BRD10: variants seen among roughly 807,000 people sequenced by gnomAD.
BRD10 encodes uncharacterized bromodomain-containing protein 10.
At chr9:5,952,187 A>AT in the BRD10 span, among the ~76,000 whole-genome samples, 15 of 151,362 alleles carry the variant, frequency 9.9e-5, no homozygotes, top group East Asian at 7.8e-4. Flanking sequence ...CACCCGGCTA[A>AT]TTTTTTTTGT....
chr9:5,967,575 C>T, the BRD10 span, among the ~76,000 whole-genome samples: 2 of 151,392 alleles, frequency 1.3e-5, no homozygotes, highest in Non-Finnish European at 2.9e-5. Flanking sequence ...AAAAAACAGA[C>T]CCAGGAAGAT....
chr9:5,902,682 T>A, the BRD10 span, among the ~76,000 whole-genome samples: 1 of 151,604 alleles, frequency 6.6e-6, no homozygotes, highest in Non-Finnish European at 1.5e-5. Context: ...TTTTTTTTTT[T>A]AATTTGTAGA....
At chr9:6,007,936 G>T in the BRD10 span, 1 of 1,331,412 alleles carries the variant, frequency 7.5e-7, no homozygotes, top group Non-Finnish European at 9.6e-7. Flanking sequence ...GCTCGGCTCG[G>T]TGCGCGCGGG....
At chr9:5,943,798 T>C in the BRD10 span, among the ~76,000 whole-genome samples, 3 of 152,208 alleles carry the variant, frequency 2.0e-5, no homozygotes, top group African/African-American at 7.2e-5. Flanking sequence ...TGCTAATTGA[T>C]GACTATCATC....
the BRD10 span, among the ~76,000 whole-genome samples, chr9:5,980,785 G>A: frequency 6.6e-6 from 1 of 152,092 alleles, no homozygotes; most frequent in South Asian, 2.1e-4. Context: ...ACCAGATAAA[G>A]TATTACCATA....
chr9:5,968,215 G>A, the BRD10 span: 2 of 1,612,018 alleles, frequency 1.2e-6, no homozygotes, highest in African/African-American at 2.7e-5. Flanking sequence ...TGAGTTTCTT[G>A]TGGCTCTGTA....
the BRD10 span, chr9:5,919,825 G>A: frequency 6.2e-7 from 1 of 1,613,772 alleles, no homozygotes; most frequent in Non-Finnish European, 8.5e-7. Context: ...GAGTATTTAT[G>A]GTATTCAAAA....
the BRD10 span, among the ~76,000 whole-genome samples, chr9:5,947,312 T>C: frequency 7.2e-5 from 11 of 152,102 alleles, no homozygotes; most frequent in Non-Finnish European, 1.6e-4. Flanking sequence ...AGTTTCCAGG[T>C]ATTGCCTGCA....
chr9:5,974,474 G>A, the BRD10 span, among the ~76,000 whole-genome samples: 1 of 152,116 alleles, frequency 6.6e-6, no homozygotes, highest in Admixed American at 6.6e-5. Context: ...AGCGATCCAT[G>A]ACACATTAGA....
the BRD10 span, among the ~76,000 whole-genome samples, chr9:5,965,053 T>TA: frequency 2.1e-5 from 1 of 46,642 alleles, no homozygotes; most frequent in African/African-American, 8.1e-5. Flanking sequence ...ACTTAAAGTA[T>TA]AATAAAAAAA....
chr9:6,000,991 C>T, the BRD10 span, among the ~76,000 whole-genome samples: 1 of 152,184 alleles, frequency 6.6e-6, no homozygotes, highest in African/African-American at 2.4e-5. Context: ...CTGGACTCCA[C>T]ATGCACTCTT....
the BRD10 span, among the ~76,000 whole-genome samples, chr9:5,977,644 G>A: frequency 2.6e-5 from 4 of 152,086 alleles, no homozygotes; most frequent in Non-Finnish European, 5.9e-5. Context: ...TCAGGAGATC[G>A]AGACCACGGT....
the BRD10 span, chr9:5,914,197 AAATTG>A: frequency 1.6e-4 from 55 of 336,986 alleles, no homozygotes; most frequent in South Asian, 6.1e-4. Flanking sequence ...AGGAAGGTTA[AAATTG>A]TAAGGGCTTA....
At chr9:5,914,968 G>C in the BRD10 span, among the ~76,000 whole-genome samples, 201 of 152,084 alleles carry the variant, frequency 1.3e-3, no homozygotes, top group Non-Finnish European at 2.2e-3. Flanking sequence ...GTTTAATAAA[G>C]AGAACCCCGC....
chr9:5,968,349 C>A, the BRD10 span: 1 of 1,610,366 alleles, frequency 6.2e-7, no homozygotes, highest in Non-Finnish European at 8.5e-7. Context: ...GGACTGGGTT[C>A]AATCTTTATT....
the BRD10 span, among the ~76,000 whole-genome samples, chr9:5,975,670 C>G: frequency 3.5e-4 from 53 of 151,972 alleles, no homozygotes; most frequent in Non-Finnish European, 6.2e-4. Flanking sequence ...AACTTGAAGA[C>G]AGAGAGAGAA....
At chr9:5,980,688 G>A in the BRD10 span, among the ~76,000 whole-genome samples, 11 of 151,974 alleles carry the variant, frequency 7.2e-5, no homozygotes, top group Admixed American at 6.6e-4. Context: ...TATATAGAGA[G>A]AGAGAGAGTA....
the BRD10 span, among the ~76,000 whole-genome samples, chr9:5,936,323 C>A: frequency 3.3e-5 from 5 of 152,138 alleles, no homozygotes; most frequent in African/African-American, 7.2e-5. Flanking sequence ...CTACTGCACT[C>A]TTGCCTGGGT....
chr9:5,993,624 G>C, the BRD10 span, among the ~76,000 whole-genome samples: 4 of 152,284 alleles, frequency 2.6e-5, no homozygotes, highest in African/African-American at 9.6e-5. Context: ...GTGACTGTAG[G>C]AGAAGGCCAT....
Sources: allele counts gnomAD v4.1 joint callset (sites outside exome capture counted in the v4.1 genomes callset), GRCh38; gene constraint gnomAD v4.1.1; transcripts MANE v1.5; gene names NCBI Gene and HGNC (gene_info 2026-07-23, HGNC 2026-07-21).